The following ZNF679 variants were observed in gnomAD, a reference collection of about 807,000 sequenced individuals.
The protein encoded by ZNF679 is zinc finger protein 679.
In ZNF679, 10 loss-of-function variants were observed where a neutral mutation model predicts 13.4. The observed-to-expected ratio is 0.75, with a 90% CI of 0.46 to 1.27. The LOEUF (loss-of-function observed/expected upper bound fraction) is 1.27. Ranked by LOEUF, ZNF679 falls within the 50% of genes most tolerant of loss-of-function variation. The probability of loss-of-function intolerance (pLI) is 0.00; values close to 1 mark genes in which losing one functional copy is unlikely to be tolerated. For synonymous variants in ZNF679, 179 were observed against 162.5 expected (o/e 1.10, Z -0.77); for missense variants, 525 against 477.8 (o/e 1.10, Z -0.92).
At chr7:64,240,796 G>T (rs1787788746) in intron 1 of ZNF679, among the ~76,000 whole-genome samples, 1 of 152,158 alleles carries the variant, frequency 6.6e-6, no homozygotes, top group Non-Finnish European at 1.5e-5. Context: ...TCCTGCTAAA[G>T]GTATAAGAGT....
intron 1 of ZNF679, among the ~76,000 whole-genome samples, chr7:64,246,311 G>A (rs983246375): frequency 6.6e-6 from 1 of 152,174 alleles, no homozygotes; most frequent in African/African-American, 2.4e-5. Context: ...TGGCGATTCA[G>A]TCTATTTCCT....
At chr7:64,242,002 A>T (rs1787805199) in intron 1 of ZNF679, among the ~76,000 whole-genome samples, 1 of 152,204 alleles carries the variant, frequency 6.6e-6, no homozygotes. Flanking sequence ...ATATCTTGGG[A>T]TATGTGTTTA....
At chr7:64,245,034 T>A (rs915011741) in intron 1 of ZNF679, among the ~76,000 whole-genome samples, 2 of 152,020 alleles carry the variant, frequency 1.3e-5, no homozygotes, top group African/African-American at 4.8e-5. Context: ...TCTTTGTTTT[T>A]TAGCTTTTTG....
At chr7:64,241,255 T>A (rs979310460) in intron 1 of ZNF679, among the ~76,000 whole-genome samples, 3 of 152,008 alleles carry the variant, frequency 2.0e-5, no homozygotes, top group Admixed American at 1.3e-4. Context: ...ACTACAAGAG[T>A]CAAAATATCT....
At chr7:64,241,264 C>T (rs914816652) in intron 1 of ZNF679, among the ~76,000 whole-genome samples, 2 of 152,126 alleles carry the variant, frequency 1.3e-5, no homozygotes, top group Non-Finnish European at 2.9e-5. Context: ...GTCAAAATAT[C>T]TTCAGGTATG....
rs749209726 is a variant in ZNF679 at position 64,266,391 on chromosome 7, C to T, written c.758C>T (p.Ser253Leu). The change falls in exon 5 of 5, where the codon TCA (serine) becomes TTA (leucine). Residue 253 changes from serine (S) to leucine (L), a missense_variant. By Grantham distance (145) the Ser-to-Leu change is moderately radical. Transcript: ENST00000421025. ...TGTGGCAAAGCTTTTACCTGGTCCT[C>T]AACCCTTACTAAACATAGGAGAATT... is the stretch of plus-strand genomic sequence containing the variant. The part of the protein sequence containing the change: ...EECGKAFTWS[S>L]TLTKHRRIHT... 6 of 1,612,872 alleles carry T rather than the reference C, an allele frequency of 3.7e-6. No individual in the cohort carries two copies. The highest frequency in any genetic ancestry group is 5.1e-6 in the Non-Finnish European group (6 of 1,179,424).
At chr7:64,245,241 G>A (rs1226721328) in intron 1 of ZNF679, among the ~76,000 whole-genome samples, 2 of 152,124 alleles carry the variant, frequency 1.3e-5, no homozygotes, top group African/African-American at 2.4e-5. Context: ...GGCCAGGCTG[G>A]TCTTGAACCC....
intron 2 of ZNF679, among the ~76,000 whole-genome samples, chr7:64,249,575 T>C (rs1393026148): frequency 6.6e-6 from 1 of 152,164 alleles, no homozygotes; most frequent in African/African-American, 2.4e-5. Flanking sequence ...TGTAAAAATA[T>C]TAGACAATTT....
Position 64,228,665 on chromosome 7 carries a change from C to A in ZNF679, c.-91+13C>A, listed in dbSNP as rs113621985. On this transcript the variant is annotated intron_variant, in intron 1 of 4. Transcript: ENST00000421025. ...GTCTACACTTCTGGTGAGTTGCATC[C>A]AAATACACGAGACACAGTCTTAACA... The A allele has an allele frequency of 6.6e-6, 1 of 152,202 alleles. No individual in the cohort carries two copies. Among genetic ancestry groups the A allele is most frequent in the East Asian group, 1.9e-4 (1 of 5,192 alleles). 9.4% of individuals were successfully genotyped at this position (152,202 alleles called of 1,614,324 possible).
At chr7:64,262,402 C>T (rs535281974) in intron 4 of ZNF679, among the ~76,000 whole-genome samples, 4 of 152,288 alleles carry the variant, frequency 2.6e-5, no homozygotes, top group African/African-American at 9.6e-5. Context: ...GAAAATGGTG[C>T]CAAGACCAAT....
chr7:64,235,097 C>T (rs1023037462), intron 1 of ZNF679, among the ~76,000 whole-genome samples: 1 of 152,096 alleles, frequency 6.6e-6, no homozygotes, highest in African/African-American at 2.4e-5. Flanking sequence ...TTCAGCCTCC[C>T]GAAGTGCTGG....
intron 1 of ZNF679, among the ~76,000 whole-genome samples, chr7:64,236,961 GA>G (rs1278923556): frequency 1.7e-4 from 8 of 47,596 alleles, no homozygotes; most frequent in African/African-American, 7.1e-4. Flanking sequence ...AAGAAAGAAA[GA>G]AAGAAAGAAA....
chr7:64,239,764 A>T (rs1340018426), intron 1 of ZNF679, among the ~76,000 whole-genome samples: 1 of 152,076 alleles, frequency 6.6e-6, no homozygotes, highest in South Asian at 2.1e-4. Context: ...TGGCCTAAGT[A>T]AAAAGGTAAT....
chr7:64,248,994 ATTT>A, intron 1 of ZNF679, 31 bp from the exon 2 acceptor site: 1 of 1,433,844 alleles, frequency 7.0e-7, no homozygotes. Flanking sequence ...TGCCTCCGTA[ATTT>A]TCCGGGTCCT....
At chr7:64,264,260 A>AG (rs1407478874) in intron 4 of ZNF679, among the ~76,000 whole-genome samples, 2 of 151,986 alleles carry the variant, frequency 1.3e-5, no homozygotes, top group East Asian at 3.9e-4. Flanking sequence ...TGGTAAAAAA[A>AG]AATGACTTCA....
At chr7:64,236,993 AAGAAAG>A (rs1787735003) in intron 1 of ZNF679, among the ~76,000 whole-genome samples, 1 of 53,376 alleles carries the variant, frequency 1.9e-5, no homozygotes, top group Non-Finnish European at 3.3e-5. Context: ...GAAAGAAAGA[AAGAAAG>A]AAAAAGAAAG....
At chr7:64,243,045 T>TG (rs936763830) in intron 1 of ZNF679, among the ~76,000 whole-genome samples, 5 of 152,298 alleles carry the variant, frequency 3.3e-5, no homozygotes, top group Admixed American at 3.3e-4. Flanking sequence ...CTGCTGGGTG[T>TG]GCCTGTAAGA....
chr7:64,233,167 G>C (rs913673763), intron 1 of ZNF679, among the ~76,000 whole-genome samples: 2 of 151,906 alleles, frequency 1.3e-5, no homozygotes, highest in African/African-American at 4.8e-5. Flanking sequence ...CTTGAATCCG[G>C]GAGGAGGTTG....
chr7:64,242,522 A>G (rs1164500960), intron 1 of ZNF679, among the ~76,000 whole-genome samples: 2 of 152,168 alleles, frequency 1.3e-5, no homozygotes, highest in Admixed American at 6.5e-5. Flanking sequence ...TGGTTACAAA[A>G]ATTGGTCAAT....
Sources: gnomAD v4.1 joint callset for allele counts (sites outside exome capture counted in the v4.1 genomes callset) on GRCh38, gnomAD v4.1.1 for gene constraint, MANE v1.5 for transcripts, NCBI Gene and HGNC (gene_info 2026-07-23, HGNC 2026-07-21) for gene names.